Variants in EFCC1 observed in about 807,000 individuals in gnomAD.
The protein encoded by EFCC1 is EF-hand and coiled-coil domain containing 1.
Under a neutral mutation model 52.1 loss-of-function variants are expected in EFCC1, and 50 were observed. That is an observed-to-expected ratio of 0.96 (90% CI 0.76 to 1.21). The LOEUF is 1.21. Among genes scored for constraint, EFCC1 ranks in the 50% most tolerant of loss-of-function variants. The pLI is 0.00. For missense variants in EFCC1, 837 were observed against 867.3 expected, an observed-to-expected ratio of 0.97 and a Z score of 0.44; for synonymous variants, 399 against 396.5, an observed-to-expected ratio of 1.01 and a Z score of -0.08.
Position 129,001,966 on chromosome 3 carries a change from C to T in EFCC1, c.338C>T (p.Ala113Val). 2 of 1,544,280 alleles carry T rather than the reference C, an allele frequency of 1.3e-6. No homozygotes were observed. The highest frequency in any genetic ancestry group is 1.4e-5 in the African/African-American group (1 of 72,312). Residue 113 changes from alanine to valine, a missense_variant, in exon 1 of 8, where the codon GCG (alanine) becomes GTG (valine). Coordinates refer to ENST00000683648, the MANE Select transcript of EFCC1 (RefSeq NM_001377500.1). ...GNSRDVTPGD[A>V]AAELATDGDS... ...TCCAGAGATGTGACCCCCGGGGATG[C>T]GGCCGCTGAGTTGGCCACGGACGGG...
intron 2 of EFCC1, among the ~76,000 whole-genome samples, chr3:129,021,202 C>T (rs151009551): frequency 1.4e-4 from 22 of 152,304 alleles, no homozygotes; most frequent in African/African-American, 4.1e-4. Flanking sequence ...ATTTATGCTG[C>T]GCAAACCTCA....
chr3:129,032,832 G>A lies in EFCC1; in HGVS notation c.1152G>A (p.Gln384=). The stretch of plus-strand genomic sequence containing the variant: ...GTGCTTCCCCAGCAGTGGACGAGCA[G>A]CTGTTCCGCTCCGTGGAGGGCCAGG... ...SRALDEAVDE[Q]LFRSVEGQAA... The change falls in exon 4 of 8, where the codon CAG becomes CAA. Residue 384 remains glutamine (Q), a synonymous_variant. Transcript: ENST00000683648. The A allele has an allele frequency of 1.3e-6, 2 of 1,551,238 alleles. No individual in the cohort carries two copies. Among genetic ancestry groups the A allele is most frequent in the South Asian group, 1.2e-5 (1 of 84,040 alleles).
rs574168802 is a variant in EFCC1 at position 129,011,316 on chromosome 3, C to T, written c.980+7239C>T. Among the ~76,000 whole-genome samples, 16 of 152,150 alleles carry T rather than the reference C, an allele frequency of 1.1e-4. No individual in the cohort carries two copies. In the East Asian group the frequency reaches 1.4e-3, roughly 13 times the overall value. ...CTGTAATCCCAACACTTTGGGAGGCCGAAGTGGGTGGATCACCTGAGGTCA... is the reference window on the plus strand; with the variant it reads ...CTGTAATCCCAACACTTTGGGAGGCTGAAGTGGGTGGATCACCTGAGGTCA... On this transcript the variant is annotated intron_variant, in intron 2 of 7. Transcript: ENST00000683648.
intron 2 of EFCC1, among the ~76,000 whole-genome samples, chr3:129,022,885 T>C (rs762824646): frequency 8.6e-5 from 13 of 151,878 alleles, no homozygotes; most frequent in Non-Finnish European, 1.6e-4. Context: ...GGCAGGGAGG[T>C]TGGGCCTTTG....
Position 129,032,801 on chromosome 3 carries a change from C to T in EFCC1, c.1139-18C>T, listed in dbSNP as rs1576782228. ...CCCCACCCTTTGTCCTGCATCCCCA[C>T]ATCCTGTGCTTCCCCAGCAGTGGAC... On this transcript the variant is annotated intron_variant, in intron 3 of 7. Transcript: ENST00000683648. 1.9e-6 allele frequency: 3 copies of T among 1,549,964 alleles called. No homozygotes were observed. In the East Asian group the frequency reaches 7.3e-5, roughly 38 times the overall value.
In EFCC1 at chr3:129,032,868, C is replaced by CGAGGAGGAGGTG; in HGVS notation, c.1198_1209dup (p.Val400_Glu403dup). 1 of 1,551,486 alleles carries CGAGGAGGAGGTG rather than the reference C, an allele frequency of 6.4e-7. No homozygotes were observed. On this transcript the variant is annotated inframe_insertion, in exon 4 of 8. Coordinates refer to ENST00000683648, the MANE Select transcript of EFCC1 (RefSeq NM_001377500.1). ...CCGTGGAGGGCCAGGCCGCCTCTGA[C>CGAGGAGGAGGTG]GAGGAGGAGGTGGAGGAGGAGAGGT... is the stretch of plus-strand genomic sequence containing the variant.
chr3:129,003,876 C>A lies in EFCC1; in HGVS notation c.779C>A (p.Ala260Glu). ...PEAAVRELRQAQGALAAAEAR... is the reference protein window; with the variant it reads ...PEAAVRELRQEQGALAAAEAR... ...GCTGCGGTGCGGGAGCTGCGTCAGGCGCAGGGCGCCCTGGCTGCGGCGGAG... is the reference window on the plus strand; with the variant it reads ...GCTGCGGTGCGGGAGCTGCGTCAGGAGCAGGGCGCCCTGGCTGCGGCGGAG... The change falls in exon 2 of 8, where the codon GCG (alanine) becomes GAG (glutamate). Residue 260 changes from alanine (A) to glutamate (E), a missense_variant. Physicochemically the swap from Ala to Glu is moderately radical, Grantham distance 107. Transcript: ENST00000683648. The A allele has an allele frequency of 1.4e-6, 2 of 1,412,198 alleles. No individual in the cohort carries two copies. The highest frequency in any genetic ancestry group is 3.1e-5 in the East Asian group (1 of 32,134). 87.5% of individuals were successfully genotyped at this position (1,412,198 alleles called of 1,614,324 possible).
Position 129,010,127 on chromosome 3 carries a change from G to T in EFCC1, c.980+6050G>T, listed in dbSNP as rs1945253867. On this transcript the variant is annotated intron_variant, in intron 2 of 7. Transcript: ENST00000683648. This position sits in a 1 kb window ranked among gnomAD's most constrained non-coding sequence, Gnocchi z 4.3. Reference sequence around the variant, plus strand: ...CTGGAAGAAAGGGCGTAACGCCTGGGACTTCAGCACAAGGAGACCCCTAAG... The same window carrying T: ...CTGGAAGAAAGGGCGTAACGCCTGGTACTTCAGCACAAGGAGACCCCTAAG... 6.6e-6 allele frequency among the ~76,000 whole-genome samples: 1 copy of T among 152,262 alleles called. No homozygotes were observed. The highest frequency in any genetic ancestry group is 2.1e-4 in the South Asian group (1 of 4,836).
At chr3:129,038,737 C>A (rs1946387252) in intron 6 of EFCC1, 94 bp from the exon 7 acceptor site, 1 of 1,241,714 alleles carries the variant, frequency 8.1e-7, no homozygotes, top group Non-Finnish European at 1.2e-6. Context: ...CCCCAGGGAG[C>A]TGCCTAGAAG....
intron 3 of EFCC1, 51 bp from the exon 4 acceptor site, chr3:129,032,768 G>A: frequency 6.5e-7 from 1 of 1,533,818 alleles, no homozygotes; most frequent in Non-Finnish European, 8.8e-7. Context: ...GGGGAGGGAT[G>A]CCTGGTTCCC....
chr3:129,003,763 AC>A (rs777277478), intron 1 of EFCC1, 30 bp from the exon 2 acceptor site: 8 of 1,369,288 alleles, frequency 5.8e-6, no homozygotes, highest in East Asian at 3.1e-5. Context: ...TGGGGCACTT[AC>A]CCCCTGCCCC....
At chr3:129,019,388 G>A (rs1945731268) in intron 2 of EFCC1, among the ~76,000 whole-genome samples, 1 of 152,210 alleles carries the variant, frequency 6.6e-6, no homozygotes, top group Non-Finnish European at 1.5e-5. Flanking sequence ...ATGGGATTTA[G>A]AAGCCCAGTC....
chr3:129,024,959 C>G (rs183830423), intron 2 of EFCC1, among the ~76,000 whole-genome samples: 1 of 152,124 alleles, frequency 6.6e-6, no homozygotes, highest in African/African-American at 2.4e-5. Context: ...CCAAACCCAG[C>G]GGCCACTCTT....
At chr3:129,008,714 C>A (rs1945184279) in intron 2 of EFCC1, among the ~76,000 whole-genome samples, 1 of 152,154 alleles carries the variant, frequency 6.6e-6, no homozygotes, top group Non-Finnish European at 1.5e-5. Flanking sequence ...GTAGGAGTTG[C>A]AGGTGAAATA....
In EFCC1 at chr3:129,001,953, A is replaced by T. The variant is rs1405069825; in HGVS notation, c.325A>T (p.Thr109Ser). 6.5e-7 allele frequency: 1 copy of T among 1,542,628 alleles called. No individual in the cohort carries two copies. The highest frequency in any genetic ancestry group is 8.7e-7 in the Non-Finnish European group (1 of 1,143,788). Residue 109 changes from threonine (T) to serine (S), a missense_variant, in exon 1 of 8, where the codon ACC becomes TCC. Physicochemically the swap from Thr to Ser is moderately conservative, Grantham distance 58 (BLOSUM62 1). Transcript: ENST00000683648. ...AGGTGACGGGAACTCCAGAGATGTG[A>T]CCCCCGGGGATGCGGCCGCTGAGTT... is the stretch of plus-strand genomic sequence containing the variant. ...AAGDGNSRDV[T>S]PGDAAAELAT... is the part of the protein sequence containing the mutation.
rs575259155 is a variant in EFCC1 at position 129,038,839 on chromosome 3, G to A, written c.1602G>A (p.Ser534=). The A allele has an allele frequency of 2.8e-5, 45 of 1,613,836 alleles. No individual in the cohort carries two copies. Among genetic ancestry groups the A allele is most frequent in the East Asian group, 8.9e-5 (4 of 44,882 alleles). The change falls in exon 7 of 8, where the codon TCG becomes TCA. Residue 534 remains serine (S), a synonymous_variant. Coordinates refer to ENST00000683648, the MANE Select transcript of EFCC1 (RefSeq NM_001377500.1). ...TTCCATTTCTTTTTAAGAACATATC[G>A]AAAAGAGCCCTGGGGAAGATTTTGC... is the stretch of plus-strand genomic sequence containing the variant. ...LLQRLRDLNI[S]KRALGKILLS... is the part of the protein sequence containing the mutation.
intron 2 of EFCC1, among the ~76,000 whole-genome samples, chr3:129,016,227 G>A (rs1945577051): frequency 6.6e-6 from 1 of 152,136 alleles, no homozygotes; most frequent in Non-Finnish European, 1.5e-5. Context: ...TCTGCATATG[G>A]ATTAAAGTCT....
chr3:129,003,669 C>G (rs1944910481), intron 1 of EFCC1, 125 bp from the exon 2 acceptor site: 3 of 975,538 alleles, frequency 3.1e-6, no homozygotes, highest in Non-Finnish European at 3.9e-6. Flanking sequence ...CGGAAGCAGA[C>G]GGCGCAAGAA....
At chr3:129,017,012 ACT>A (rs1413056816) in intron 2 of EFCC1, among the ~76,000 whole-genome samples, 1 of 152,022 alleles carries the variant, frequency 6.6e-6, no homozygotes. Flanking sequence ...TTCATCTTCC[ACT>A]CTGTTTTCCT....
Sources: allele counts gnomAD v4.1 joint callset (sites outside exome capture counted in the v4.1 genomes callset), GRCh38; gene constraint gnomAD v4.1.1; non-coding constraint Gnocchi (gnomAD v3.1); transcripts MANE v1.5; gene names NCBI Gene and HGNC (gene_info 2026-07-23, HGNC 2026-07-21).